Variants in TRAK2 observed in about 807,000 individuals in gnomAD.
TRAK2 encodes the protein trafficking kinesin protein 2.
A neutral mutation model predicts 104.6 loss-of-function variants in TRAK2; 81 were observed. The observed-to-expected ratio is 0.77, with a 90% CI of 0.65 to 0.93. TRAK2 has a LOEUF of 0.93. TRAK2 is among the 40% of genes least tolerant of loss of function. The pLI is 0.00. For missense variants in TRAK2, 1,002 were observed against 1,089.0 expected (o/e 0.92, Z 1.12); for synonymous variants, 406 against 394.4 (o/e 1.03, Z -0.35).
At position 201,410,594 on chromosome 2, in the gene TRAK2, T is replaced by C. The variant is rs113480468; in HGVS notation, c.92-2997A>G. On this transcript the variant is annotated intron_variant, in intron 2 of 15. Coordinates refer to ENST00000332624, the MANE Select transcript of TRAK2 (RefSeq NM_015049.3). ...TTGCTAGCTGAACTGCTATTGGTCA[T>C]AGCAGTTGGTGGCTATGCAAAGTTC... 7,834 of 1,261,200 alleles carry C rather than the reference T, an allele frequency of 6.2e-3. 345 individuals carry two copies. In the African/African-American group the frequency reaches 0.099, roughly 16 times the overall value. The allele number at this position is 1,261,200 out of a possible 1,614,324, so 78.1% of individuals were successfully genotyped here.
chr2:201,383,024 G>T (rs926176571), intron 15 of TRAK2, among the ~76,000 whole-genome samples: 1 of 152,048 alleles, frequency 6.6e-6, no homozygotes, highest in African/African-American at 2.4e-5. Flanking sequence ...AAATATAAAG[G>T]AACAGGCAAC....
At chr2:201,420,990 T>C (rs1014793937) in intron 1 of TRAK2, among the ~76,000 whole-genome samples, 1 of 152,204 alleles carries the variant, frequency 6.6e-6, no homozygotes, top group Non-Finnish European at 1.5e-5. Flanking sequence ...GAAAAGTTTT[T>C]GGAATGATGA....
chr2:201,449,270 T>C (rs1210690140), intron 1 of TRAK2, among the ~76,000 whole-genome samples: 1 of 152,168 alleles, frequency 6.6e-6, no homozygotes, highest in Non-Finnish European at 1.5e-5. Flanking sequence ...ACTCAACCTT[T>C]AAAGTCTATA....
chr2:201,415,099 C>CAT (rs540811944), intron 2 of TRAK2, among the ~76,000 whole-genome samples: 92,375 of 151,010 alleles, frequency 0.61, 28,635 homozygotes, highest in South Asian at 0.68. Flanking sequence ...ATGTCTCCTT[C>CAT]ATGTCCATTT....
At chr2:201,399,350 A>G in intron 5 of TRAK2, 27 bp downstream of exon 5, 1 of 1,476,082 alleles carries the variant, frequency 6.8e-7, no homozygotes, top group Middle Eastern at 1.7e-4. Context: ...ATTATTTCAT[A>G]CTGCAGACAT....
intron 14 of TRAK2, among the ~76,000 whole-genome samples, chr2:201,384,963 T>G (rs1004469828): frequency 6.6e-6 from 1 of 152,192 alleles, no homozygotes; most frequent in African/African-American, 2.4e-5. Flanking sequence ...AATACCATTT[T>G]TACTTGAAAG....
chr2:201,426,252 C>T (rs900120457), intron 1 of TRAK2, among the ~76,000 whole-genome samples: 7 of 152,198 alleles, frequency 4.6e-5, no homozygotes, highest in African/African-American at 7.2e-5. Flanking sequence ...CATAGGAGCT[C>T]GAAACTTACT....
intron 2 of TRAK2, among the ~76,000 whole-genome samples, chr2:201,416,545 T>C (rs954569519): frequency 3.9e-5 from 6 of 152,118 alleles, no homozygotes; most frequent in Non-Finnish European, 5.9e-5. Context: ...AAAGAAATAA[T>C]AGAATGCTAA....
chr2:201,449,882 C>T (rs954012654), intron 1 of TRAK2, among the ~76,000 whole-genome samples: 1 of 151,856 alleles, frequency 6.6e-6, no homozygotes, highest in Non-Finnish European at 1.5e-5. Flanking sequence ...TCAGTAGAGA[C>T]GGGTTTCTCC....
intron 12 of TRAK2, 65 bp downstream of exon 12, chr2:201,389,235 G>A (rs561917614): frequency 3.6e-5 from 51 of 1,436,074 alleles, no homozygotes; most frequent in African/African-American, 2.0e-4. Context: ...TGGAATGTGC[G>A]TATGTGAATC....
Position 201,407,542 on chromosome 2 carries a change from T to C in TRAK2, c.147A>G (p.Glu49=). The change falls in exon 3 of 16, where the codon GAA becomes GAG. Residue 49 remains glutamate (E), a synonymous_variant. Transcript: ENST00000332624. ...PEVELVSLLE[E]QLPQYRLKVD... is the part of the protein sequence containing the mutation. ...CTTTTAGCCTATACTGTGGTAGTTG[T>C]TCTTCTAGCAGACTCACCAGCTCAA... 1.2e-6 allele frequency: 2 copies of C among 1,614,064 alleles called. No homozygotes were observed. Among genetic ancestry groups the C allele is most frequent in the Admixed American group, 1.7e-5 (1 of 60,026 alleles).
chr2:201,412,533 A>G, intron 2 of TRAK2: 1 of 1,214,776 alleles, frequency 8.2e-7, no homozygotes, highest in Non-Finnish European at 1.2e-6. Context: ...TCCTTTTATT[A>G]AATACAGCAT....
At chr2:201,414,843 G>A (rs1951678161) in intron 2 of TRAK2, among the ~76,000 whole-genome samples, 1 of 66,418 alleles carries the variant, frequency 1.5e-5, no homozygotes, top group African/African-American at 3.7e-5. Flanking sequence ...CAACGGTATA[G>A]TGGAGATGAA....
intron 9 of TRAK2, 111 bp from the exon 10 acceptor site, chr2:201,393,157 CTT>C: frequency 1.0e-6 from 1 of 1,003,498 alleles, no homozygotes; most frequent in Non-Finnish European, 1.4e-6. Flanking sequence ...GGCTAGCTAA[CTT>C]TATGAATATC....
chr2:201,389,476 G>A lies in TRAK2; in HGVS notation c.1221C>T (p.Thr407=), dbSNP rs191494878. 7.4e-6 allele frequency: 12 copies of A among 1,614,040 alleles called. No homozygotes were observed. Among genetic ancestry groups the A allele is most frequent in the South Asian group, 2.2e-5 (2 of 91,070 alleles). The change falls in exon 12 of 16, where the codon ACC becomes ACT. Residue 407 remains threonine (T), a synonymous_variant. Coordinates refer to ENST00000332624, the MANE Select transcript of TRAK2 (RefSeq NM_015049.3). ...CCCGTGTGTCATTGGCAATCCTGAC[G>A]GTATCAAATACCCGCTTCTGTTGGG... ...QKAQQKRVFD[T]VRIANDTRGR...
At position 201,411,463 on chromosome 2, in the gene TRAK2, C is replaced by A. The variant is rs185450456; in HGVS notation, c.92-3866G>T. 2.5e-4 allele frequency: 187 copies of A among 744,066 alleles called. No individual in the cohort carries two copies. The African/African-American group carries it at 2.7e-3, about 11-fold the overall frequency. The allele number at this position is 744,066 out of a possible 1,614,324, so 46.1% of individuals were successfully genotyped here. ...GAAACATTCATTTGATTTCCTATGT[C>A]CAAAGATTTCTGTTGTTCTTGCATT... On this transcript the variant is annotated intron_variant, in intron 2 of 15. Coordinates refer to ENST00000332624, the MANE Select transcript of TRAK2 (RefSeq NM_015049.3).
intron 2 of TRAK2, chr2:201,419,373 G>A (rs7564821): frequency 0.029 from 4,547 of 154,792 alleles, 229 homozygotes; most frequent in African/African-American, 0.1. Flanking sequence ...GCAGGGATGA[G>A]TAAGTTCCAG....
At chr2:201,412,538 C>T in intron 2 of TRAK2, 2 of 1,215,988 alleles carry the variant, frequency 1.6e-6, no homozygotes, top group Non-Finnish European at 2.4e-6. Context: ...TTATTAAATA[C>T]AGCATACATA....
At chr2:201,393,166 T>C in intron 9 of TRAK2, 120 bp from the exon 10 acceptor site, 1 of 919,816 alleles carries the variant, frequency 1.1e-6, no homozygotes. Context: ...ACTTTATGAA[T>C]ATCATTTCAA....
Sources: allele counts gnomAD v4.1 joint callset (sites outside exome capture counted in the v4.1 genomes callset), GRCh38; gene constraint gnomAD v4.1.1; transcripts MANE v1.5; gene names NCBI Gene and HGNC (gene_info 2026-07-23, HGNC 2026-07-21).